The following RANGAP1 variants were observed in gnomAD, a reference collection of about 807,000 sequenced individuals.
RANGAP1 encodes ran GTPase-activating protein 1.
RANGAP1 carries 38 observed loss-of-function variants against 63.5 expected under a neutral mutation model. The observed-to-expected ratio is 0.60, with a 90% confidence interval of 0.46 to 0.78. RANGAP1 has a LOEUF of 0.78. RANGAP1 is among the 30% of genes least tolerant of loss of function. The pLI is 0.00. For missense variants in RANGAP1, 630 were observed against 740.3 expected, an observed-to-expected ratio of 0.85 and a Z score of 1.73; for synonymous variants, 329 against 310.5, an observed-to-expected ratio of 1.06 and a Z score of -0.63.
At position 41,281,070 on chromosome 22, in the gene RANGAP1, G is replaced by A; in HGVS notation, c.-26C>T. On this transcript the variant is annotated 5_prime_UTR_variant, in exon 2 of 16. Coordinates refer to ENST00000356244, the MANE Select transcript of RANGAP1 (RefSeq NM_002883.4). ...GTTGACTAGGCTGGTGGGCTCCCCT[G>A]GAGATCTGCAGACTGAGGAGGCCAA... 1 of 1,563,870 alleles carries A rather than the reference G, an allele frequency of 6.4e-7. No individual in the cohort carries two copies. Among genetic ancestry groups the A allele is most frequent in the South Asian group, 1.2e-5 (1 of 82,272 alleles).
intron 1 of RANGAP1, 108 bp downstream of exon 1, chr22:41,285,878 A>C (rs2035727975): frequency 4.8e-6 from 1 of 208,564 alleles, no homozygotes; most frequent in Non-Finnish European, 8.4e-6. Context: ...GGCTAAGTGA[A>C]GAAGGCCGAG....
intron 1 of RANGAP1, chr22:41,285,566 C>A (rs2035710154): frequency 1.0e-6 from 1 of 985,364 alleles, no homozygotes; most frequent in African/African-American, 1.7e-5. Flanking sequence ...GACAGCGGCG[C>A]CAGCCCGGGG....
chr22:41,291,661 G>C, the RANGAP1 span, among the ~76,000 whole-genome samples: 43,380 of 149,456 alleles, frequency 0.29, 7,184 homozygotes, highest in Admixed American at 0.49. Flanking sequence ...CACTTTGGGG[G>C]GCCGAGGCGG....
At chr22:41,281,683 C>A in intron 1 of RANGAP1, 1 of 963,282 alleles carries the variant, frequency 1.0e-6, no homozygotes. Flanking sequence ...GATCAGAGAT[C>A]GCCACATCAC....
the RANGAP1 span, among the ~76,000 whole-genome samples, chr22:41,296,160 T>C: frequency 1.3e-5 from 2 of 151,926 alleles, no homozygotes; most frequent in Non-Finnish European, 2.9e-5. Context: ...TGAAAGCCAT[T>C]GTACATAGTG....
chr22:41,274,771 A>C (rs1285755809), intron 2 of RANGAP1, 44 bp from the exon 3 acceptor site: 1 of 1,610,144 alleles, frequency 6.2e-7, no homozygotes, highest in South Asian at 1.1e-5. Context: ...TTGGAATCAC[A>C]AACAGCTAAG....
intron 4 of RANGAP1, among the ~76,000 whole-genome samples, chr22:41,265,671 G>A (rs1423696601): frequency 6.6e-5 from 10 of 152,172 alleles, no homozygotes; most frequent in Non-Finnish European, 1.2e-4. Context: ...AACCTCCTGG[G>A]CTGGGGAGAG....
At chr22:41,266,674 C>T (rs1340354642) in intron 4 of RANGAP1, among the ~76,000 whole-genome samples, 1 of 152,162 alleles carries the variant, frequency 6.6e-6, no homozygotes, top group Admixed American at 6.6e-5. Flanking sequence ...GCTGGGATTA[C>T]AAGGCCCCTG....
At chr22:41,256,434 A>C (rs1411100354) in intron 8 of RANGAP1, 144 bp from the exon 9 acceptor site, 17 of 771,856 alleles carry the variant, frequency 2.2e-5, no homozygotes, top group South Asian at 2.1e-4. Flanking sequence ...AATAACACCA[A>C]CAACAAAAAT....
chr22:41,253,678 GA>G (rs983967622), intron 11 of RANGAP1, among the ~76,000 whole-genome samples: 13 of 149,228 alleles, frequency 8.7e-5, no homozygotes, highest in East Asian at 5.8e-4. Flanking sequence ...GGTGGGTGGG[GA>G]AAAAAAAAAT....
chr22:41,298,854 G>A, the RANGAP1 span, among the ~76,000 whole-genome samples: 4 of 152,138 alleles, frequency 2.6e-5, no homozygotes, highest in Admixed American at 6.6e-5. Flanking sequence ...ACCATGGACT[G>A]GATGGCTTAA....
chr22:41,256,864 C>G, intron 7 of RANGAP1, 40 bp from the exon 8 acceptor site: 3 of 1,551,826 alleles, frequency 1.9e-6, no homozygotes, highest in Non-Finnish European at 2.7e-6. Flanking sequence ...AGGGTGCAGA[C>G]CACACCCCAG....
At position 41,254,444 on chromosome 22, in the gene RANGAP1, T is replaced by C. The variant is rs1317532080; in HGVS notation, c.1124A>G (p.Glu375Gly). Residue 375 changes from glutamate to glycine, a missense_variant, in exon 11 of 16, where the codon GAA becomes GGA. By Grantham distance (98) the Glu-to-Gly change is moderately conservative. Around this residue, in one of 3 missense-constraint regions of RANGAP1, gnomAD observed 428 missense variants for 465.5 expected, o/e 0.92. Coordinates refer to ENST00000356244, the MANE Select transcript of RANGAP1 (RefSeq NM_002883.4). ...EEEEGEEEEE[E>G]AEEEEEEDEE... is the part of the protein sequence containing the mutation. ...ATCTTCCTCCTCCTCTTCTTCTGCT[T>C]CCTCTTCTTCCTCTTCTCCTTCCTC... is the stretch of plus-strand genomic sequence containing the variant. 6.2e-7 allele frequency: 1 copy of C among 1,609,984 alleles called. No homozygotes were observed. The highest frequency in any genetic ancestry group is 8.5e-7 in the Non-Finnish European group (1 of 1,178,730).
Position 41,254,410 on chromosome 22 carries a change from CTCTTCCTCA to C in RANGAP1, c.1149_1157del (p.Asp383_Glu385del), listed in dbSNP as rs747412086. ...CCTCCTCCTCCTCCTCTTCTTCCTC[CTCTTCCTCA>C]TCTTCCTCCTCCTCTTCTTCTGCTT... On this transcript the variant is annotated inframe_deletion, in exon 11 of 16. Coordinates refer to ENST00000356244, the MANE Select transcript of RANGAP1 (RefSeq NM_002883.4). 1.1e-4 allele frequency: 182 copies of C among 1,613,426 alleles called. No individual in the cohort carries two copies. The highest frequency in any genetic ancestry group is 8.0e-4 in the Admixed American group (48 of 59,976).
At chr22:41,288,491 G>A (rs1176583438), upstream of RANGAP1, among the ~76,000 whole-genome samples, 1 of 152,140 alleles carries the variant, frequency 6.6e-6, no homozygotes. Context: ...TGAGTCATAG[G>A]CTTCCTGCTA....
chr22:41,248,719 C>A (rs2033223103), intron 15 of RANGAP1, among the ~76,000 whole-genome samples: 1 of 152,216 alleles, frequency 6.6e-6, no homozygotes, highest in African/African-American at 2.4e-5. Context: ...CCTCCCGACC[C>A]CTCCCTGGTG....
intron 2 of RANGAP1, among the ~76,000 whole-genome samples, chr22:41,275,265 G>A (rs901864237): frequency 2.0e-5 from 3 of 152,204 alleles, no homozygotes; most frequent in African/African-American, 7.2e-5. Flanking sequence ...GGCTAAGGCA[G>A]GTGGATTGCT....
In RANGAP1 at chr22:41,257,799, G is replaced by A; in HGVS notation, c.774+149C>T. ...GGACCTGCAACCCTGTTCAGGACAT[G>A]TTCAAAGAGCTGGAGCCATGGGGCA... On this transcript the variant is annotated intron_variant, in intron 7 of 15. Coordinates refer to ENST00000356244, the MANE Select transcript of RANGAP1 (RefSeq NM_002883.4). This position sits in a 1 kb window ranked among gnomAD's most constrained non-coding sequence, Gnocchi z 4.0. 1.0e-6 allele frequency: 1 copy of A among 1,004,914 alleles called. No homozygotes were observed. 62.2% of individuals were successfully genotyped at this position (1,004,914 alleles called of 1,614,324 possible).
intron 2 of RANGAP1, chr22:41,277,398 T>G: frequency 9.0e-7 from 1 of 1,105,962 alleles, no homozygotes; most frequent in Non-Finnish European, 1.2e-6. Context: ...ATATATTTTT[T>G]CCCTGTTCTT....
Sources: gnomAD v4.1 joint callset for allele counts (sites outside exome capture counted in the v4.1 genomes callset) on GRCh38, gnomAD v4.1.1 for gene constraint, gnomAD v4.1.1 regional missense constraint, Gnocchi (gnomAD v3.1) non-coding constraint, MANE v1.5 for transcripts, NCBI Gene and HGNC (gene_info 2026-07-23, HGNC 2026-07-21) for gene names.